KLHL29: variants seen among roughly 807,000 people sequenced by gnomAD.
The protein encoded by KLHL29 is kelch-like protein 29.
A neutral mutation model predicts 80.4 loss-of-function variants in KLHL29; 21 were observed. The ratio of observed to expected loss-of-function variants is 0.26; its 90% CI spans 0.19 to 0.38. The LOEUF is 0.38. Among genes scored for constraint, KLHL29 ranks in the 10% least tolerant of loss-of-function variants. The probability of loss-of-function intolerance (pLI) is 1.00; values close to 1 mark genes in which losing one functional copy is unlikely to be tolerated. For synonymous variants in KLHL29, 511 were observed against 526.8 expected (o/e 0.97, Z 0.41); for missense variants, 867 against 1,223.9 (o/e 0.71, Z 4.35).
chr2:23,438,317 A>G (rs976973401), intron 1 of KLHL29, among the ~76,000 whole-genome samples: 9 of 151,172 alleles, frequency 6.0e-5, no homozygotes, highest in Non-Finnish European at 8.8e-5. Flanking sequence ...TCTCCTGCCT[A>G]ATTGCCCTGG....
At chr2:23,548,883 C>G (rs550484185) in intron 2 of KLHL29, among the ~76,000 whole-genome samples, 1 of 152,312 alleles carries the variant, frequency 6.6e-6, no homozygotes, top group African/African-American at 2.4e-5. Context: ...TACAGCCCCC[C>G]TGCCCTGGGA....
intron 2 of KLHL29, among the ~76,000 whole-genome samples, chr2:23,495,430 A>T (rs1665233091): frequency 6.6e-6 from 1 of 152,144 alleles, no homozygotes. Context: ...GTGTCTTCTG[A>T]TGTTTGGCTG....
Position 23,639,238 on chromosome 2 carries a change from G to C in KLHL29, c.385G>C (p.Asp129His). The C allele has an allele frequency of 6.5e-7, 1 of 1,549,108 alleles. No homozygotes were observed. Among genetic ancestry groups the C allele is most frequent in the Non-Finnish European group, 8.7e-7 (1 of 1,145,890 alleles). The change falls in exon 4 of 14, where the codon GAT becomes CAT. Residue 129 changes from aspartate to histidine, a missense_variant. Asp to His is a moderately conservative substitution (Grantham distance 81). Transcript: ENST00000486442. Reference protein sequence around the residue: ...PINQSTPWDTDEPPSKQMRES... With the variant: ...PINQSTPWDTHEPPSKQMRES... ...CAATCAGTCCACACCCTGGGACACT[G>C]ATGAGCCACCCTCCAAACAGATGAG...
At chr2:23,555,286 C>A (rs1025703905) in intron 2 of KLHL29, among the ~76,000 whole-genome samples, 3 of 152,206 alleles carry the variant, frequency 2.0e-5, no homozygotes, top group Non-Finnish European at 4.4e-5. Context: ...TCCCAGTAAA[C>A]CTGCCCAGTT....
At chr2:23,677,144 G>A (rs917449527) in intron 5 of KLHL29, among the ~76,000 whole-genome samples, 1 of 152,210 alleles carries the variant, frequency 6.6e-6, no homozygotes, top group Non-Finnish European at 1.5e-5. Context: ...ATCTTAGAGG[G>A]CATGAGAATG....
chr2:23,567,221 G>C (rs749218837), intron 3 of KLHL29, among the ~76,000 whole-genome samples: 14 of 152,214 alleles, frequency 9.2e-5, no homozygotes, highest in Non-Finnish European at 1.8e-4. Context: ...ACAGAAAAGG[G>C]ACGGCTTCAT....
At chr2:23,536,459 C>A (rs1666663919) in intron 2 of KLHL29, among the ~76,000 whole-genome samples, 1 of 152,132 alleles carries the variant, frequency 6.6e-6, no homozygotes, top group African/African-American at 2.4e-5. Flanking sequence ...CCTGAGCAGG[C>A]CTGCCGTGGA....
intron 1 of KLHL29, among the ~76,000 whole-genome samples, chr2:23,467,918 C>T (rs111750387): frequency 0.018 from 2,690 of 151,732 alleles, 49 homozygotes; most frequent in African/African-American, 0.042. Flanking sequence ...TTGTGCCCTC[C>T]GTGCCCACTT....
chr2:23,623,004 C>T (rs1031699119), intron 3 of KLHL29, among the ~76,000 whole-genome samples: 2 of 152,192 alleles, frequency 1.3e-5, no homozygotes, highest in African/African-American at 4.8e-5. Flanking sequence ...GAGTGAGAAA[C>T]CTTGTCCTGC....
intron 1 of KLHL29, among the ~76,000 whole-genome samples, chr2:23,432,448 A>G (rs1034813095): frequency 2.6e-5 from 4 of 152,246 alleles, no homozygotes; most frequent in African/African-American, 4.8e-5. Context: ...TTCCAGTCAC[A>G]TGCTGTGTGC....
intron 1 of KLHL29, among the ~76,000 whole-genome samples, chr2:23,428,814 C>G (rs1451600159): frequency 6.6e-6 from 1 of 152,172 alleles, no homozygotes; most frequent in Non-Finnish European, 1.5e-5. Context: ...GTTGGCTCCC[C>G]CAACAGAACC....
chr2:23,478,560 G>A (rs1472259621), intron 2 of KLHL29, among the ~76,000 whole-genome samples: 2 of 152,226 alleles, frequency 1.3e-5, no homozygotes, highest in African/African-American at 4.8e-5. Context: ...GCTAGGAGGA[G>A]TGAAATCTGA....
chr2:23,417,532 C>T (rs569528812), intron 1 of KLHL29, among the ~76,000 whole-genome samples: 2 of 152,326 alleles, frequency 1.3e-5, no homozygotes, highest in South Asian at 2.1e-4. Context: ...ACGCACTGCG[C>T]GATCCCCACT....
At chr2:23,649,416 G>T (rs988217490) in intron 5 of KLHL29, among the ~76,000 whole-genome samples, 1 of 152,160 alleles carries the variant, frequency 6.6e-6, no homozygotes, top group East Asian at 1.9e-4. Context: ...GTAATTGGAG[G>T]GTTGTCCAGG....
chr2:23,453,975 T>G (rs1424822472), intron 1 of KLHL29, among the ~76,000 whole-genome samples: 1 of 152,208 alleles, frequency 6.6e-6, no homozygotes, highest in Non-Finnish European at 1.5e-5. Flanking sequence ...ACCAGGGCAG[T>G]GAGCCTTACA....
chr2:23,441,388 G>A (rs1310142791), intron 1 of KLHL29, among the ~76,000 whole-genome samples: 158 of 145,492 alleles, frequency 1.1e-3, no homozygotes, highest in South Asian at 1.6e-3. Flanking sequence ...TAAATGATGA[G>A]TTAATGGGTG....
At chr2:23,638,057 T>A (rs1042448789) in intron 3 of KLHL29, among the ~76,000 whole-genome samples, 47 of 145,242 alleles carry the variant, frequency 3.2e-4, no homozygotes, top group Admixed American at 3.0e-3. Context: ...CAGGATTTTT[T>A]TTTTCCTATT....
rs938750954 is a variant in KLHL29, at chr2:23,562,340, C to T, written c.144C>T (p.Ser48=). 15 of 1,544,030 alleles carry T rather than the reference C, an allele frequency of 9.7e-6. No homozygotes were observed. The highest frequency in any genetic ancestry group is 6.8e-5 in the African/African-American group (5 of 73,084). ...GAGGGTASSL[S]VRPGLLPLPV... is the part of the protein sequence containing the mutation. ...GTGGCGGCACAGCCAGCAGCCTCAG[C>T]GTCCGGCCCGGCCTCCTGCCGCTGC... The change falls in exon 3 of 14, where the codon AGC becomes AGT. Residue 48 remains serine (S), a synonymous_variant. Transcript: ENST00000486442. The surrounding 1 kb of genome is among the most constrained non-coding windows in gnomAD (Gnocchi z 4.5).
chr2:23,569,036 C>A (rs1217425288), intron 3 of KLHL29, among the ~76,000 whole-genome samples: 3 of 152,198 alleles, frequency 2.0e-5, no homozygotes, highest in Non-Finnish European at 4.4e-5. Context: ...GTACACTGAC[C>A]TTGGCTTCTA....
Sources: allele counts gnomAD v4.1 joint callset (sites outside exome capture counted in the v4.1 genomes callset), GRCh38; gene constraint gnomAD v4.1.1; non-coding constraint Gnocchi (gnomAD v3.1); transcripts MANE v1.5; gene names NCBI Gene and HGNC (gene_info 2026-07-23, HGNC 2026-07-21).